Variants in C2CD3 observed in about 807,000 individuals in gnomAD.
C2CD3 encodes the protein C2 domain containing 3 centriole elongation regulator.
A neutral mutation model predicts 234.0 loss-of-function variants in C2CD3; 148 were observed. That is an observed-to-expected ratio of 0.63 (90% CI 0.55 to 0.72). The LOEUF (loss-of-function observed/expected upper bound fraction) is 0.72. Ranked by LOEUF, C2CD3 falls within the 30% of genes least tolerant of loss-of-function variation. The pLI is 0.00. For missense variants in C2CD3, 2,577 were observed against 2,811.5 expected (o/e 0.92, Z 1.89); for synonymous variants, 1,000 against 1,035.4 (o/e 0.97, Z 0.66).
Position 74,150,889 on chromosome 11 carries a change from C to T in C2CD3, c.483+10510G>A, listed in dbSNP as rs561048356. Among the ~76,000 whole-genome samples, 4 of 151,952 alleles carry T rather than the reference C, an allele frequency of 2.6e-5. No individual in the cohort carries two copies. The East Asian group carries it at 5.8e-4, about 22-fold the overall frequency. ...TGGTTTCTATGAATCAGGATCCAAACGAGTTCCACAGGAGACTTTTTCTTT... is the reference window on the plus strand; with the variant it reads ...TGGTTTCTATGAATCAGGATCCAAATGAGTTCCACAGGAGACTTTTTCTTT... On this transcript the variant is annotated intron_variant, in intron 3 of 32. Transcript: ENST00000334126.
At chr11:74,115,415 T>C (rs1304419729) in intron 9 of C2CD3, among the ~76,000 whole-genome samples, 1 of 152,156 alleles carries the variant, frequency 6.6e-6, no homozygotes, top group African/African-American at 2.4e-5. Flanking sequence ...TCCTTCTCAT[T>C]TGCTTTCCTT....
chr11:74,081,632 T>G (rs987618559), intron 22 of C2CD3, among the ~76,000 whole-genome samples: 1 of 152,216 alleles, frequency 6.6e-6, no homozygotes, highest in Non-Finnish European at 1.5e-5. Context: ...ATCACCATCA[T>G]CATCATCATC....
At chr11:74,059,186 T>C (rs1954096802) in intron 24 of C2CD3, among the ~76,000 whole-genome samples, 1 of 151,916 alleles carries the variant, frequency 6.6e-6, no homozygotes, top group South Asian at 2.1e-4. Context: ...GTTTGTATTC[T>C]TTATAACTGT....
chr11:74,109,887 A>C (rs1031356309), intron 11 of C2CD3, among the ~76,000 whole-genome samples: 1 of 152,060 alleles, frequency 6.6e-6, no homozygotes, highest in Non-Finnish European at 1.5e-5. Flanking sequence ...CCTGGCTAAC[A>C]TGGTGAAACC....
chr11:74,088,184 C>A (rs1590762837), intron 20 of C2CD3, among the ~76,000 whole-genome samples: 1 of 152,158 alleles, frequency 6.6e-6, no homozygotes, highest in South Asian at 2.1e-4. Context: ...TCATAAAAAT[C>A]TGTATATTTG....
rs756280588 is a variant in C2CD3 at position 74,049,378 on chromosome 11, C to T, written c.5320G>A (p.Glu1774Lys). 1.9e-6 allele frequency: 3 copies of T among 1,614,046 alleles called. No individual in the cohort carries two copies. The African/African-American group carries it at 4.0e-5, about 22-fold the overall frequency. ...PLESLIHFKE[E>K]RQARRGVETS... Reference sequence around the variant, plus strand: ...TCCACTCCACGCCTTGCTTGCCTTTCTTCTTTGAAGTGTATCAAACTCTCC... The same window carrying T: ...TCCACTCCACGCCTTGCTTGCCTTTTTTCTTTGAAGTGTATCAAACTCTCC... The change falls in exon 27 of 33, where the codon GAA becomes AAA. Residue 1774 changes from glutamate (E) to lysine (K), a missense_variant. Physicochemically the swap from Glu to Lys is moderately conservative, Grantham distance 56 (BLOSUM62 1). Coordinates refer to ENST00000334126, the MANE Select transcript of C2CD3 (RefSeq NM_001286577.2).
rs1284421504 is a variant in C2CD3 at position 74,118,137 on chromosome 11, G to A, written c.1520+91C>T. On this transcript the variant is annotated intron_variant, in intron 9 of 32. Transcript: ENST00000334126. ...TATTGTAATTAATCACTCTGATGGT[G>A]CTGGGCAAATGGGTCATTTCACCTT... is the stretch of plus-strand genomic sequence containing the variant. 1.6e-5 allele frequency: 14 copies of A among 903,004 alleles called. 1 individual carries two copies. The highest frequency in any genetic ancestry group is 2.3e-5 in the Non-Finnish European group (13 of 576,042). 55.9% of individuals were successfully genotyped at this position (903,004 alleles called of 1,614,324 possible). A position where few individuals can be genotyped will look rare whatever the true frequency, so the allele number is the denominator to read the frequency against.
chr11:74,140,825 A>G (rs1048410746), intron 3 of C2CD3, among the ~76,000 whole-genome samples: 4 of 152,180 alleles, frequency 2.6e-5, no homozygotes, highest in East Asian at 3.8e-4. Context: ...AAGAGGGGTG[A>G]GGAGGGAGGA....
chr11:74,067,478 C>A (rs1407554808), intron 24 of C2CD3, among the ~76,000 whole-genome samples: 1 of 151,878 alleles, frequency 6.6e-6, no homozygotes, highest in South Asian at 2.1e-4. Flanking sequence ...AACCAGTTTA[C>A]AAGCATATTA....
In C2CD3 at chr11:74,168,594, T is replaced by C. The variant is rs754879301; in HGVS notation, c.75A>G (p.Pro25=). ...CAACCAGAGGTGGCAGGCTTGTAGA[T>C]GGAGAAATGTCACTTAAACCTGTAG... The part of the protein sequence containing the change: ...RKKRGLSDIS[P]STSLPPLVEG... The change falls in exon 2 of 33, where the codon CCA becomes CCG. Residue 25 remains proline (P), a synonymous_variant. Transcript: ENST00000334126. The C allele has an allele frequency of 1.9e-6, 3 of 1,614,106 alleles. No homozygotes were observed. The highest frequency in any genetic ancestry group is 2.5e-6 in the Non-Finnish European group (3 of 1,179,944).
intron 3 of C2CD3, among the ~76,000 whole-genome samples, chr11:74,154,654 T>A (rs1306103876): frequency 6.6e-6 from 1 of 152,222 alleles, no homozygotes; most frequent in African/African-American, 2.4e-5. Context: ...GCATGCCATA[T>A]GGTCTCATTA....
intron 15 of C2CD3, among the ~76,000 whole-genome samples, 173 bp from the exon 16 acceptor site, chr11:74,098,428 CA>C (rs1312972919): frequency 1.3e-5 from 2 of 152,092 alleles, no homozygotes; most frequent in Admixed American, 1.3e-4. Context: ...TAAAAATTAC[CA>C]GGCAGAGAAG....
chr11:74,015,168 C>T (rs1254325884), intron 32 of C2CD3, among the ~76,000 whole-genome samples: 3 of 152,218 alleles, frequency 2.0e-5, no homozygotes, highest in East Asian at 1.9e-4. Flanking sequence ...CTGCAGGGCA[C>T]GGCCTGGGTC....
rs547608410 is a variant in C2CD3, at chr11:74,063,424, T to C, written c.4952-5880A>G. On this transcript the variant is annotated intron_variant, in intron 24 of 32. Transcript: ENST00000334126. ...ATCCAGCAGCACATCAAAAAGCTTA[T>C]CCACCATGATCAAGTTGGCTCCATC... Among the ~76,000 whole-genome samples, 5 of 150,774 alleles carry C rather than the reference T, an allele frequency of 3.3e-5. No homozygotes were observed. The South Asian group carries it at 1.0e-3, about 31-fold the overall frequency.
chr11:74,106,616 T>C (rs1281321374), intron 12 of C2CD3, 123 bp from the exon 13 acceptor site: 1 of 866,308 alleles, frequency 1.2e-6, no homozygotes, highest in African/African-American at 1.7e-5. Flanking sequence ...AGCTTAATTA[T>C]CTAAGACAAC....
intron 29 of C2CD3, among the ~76,000 whole-genome samples, chr11:74,039,829 C>T (rs1223775874): frequency 7.2e-5 from 11 of 152,104 alleles, no homozygotes; most frequent in Admixed American, 2.0e-4. Flanking sequence ...AGAAACTACT[C>T]GAAGGTGAAG....
At position 74,167,482 on chromosome 11, in the gene C2CD3, A is replaced by G. The variant is rs568544041; in HGVS notation, c.325+862T>C. The stretch of plus-strand genomic sequence containing the variant: ...AAACAATGTGTAGTATGTGCTAAAC[A>G]TATTTTTTGAATGACTGAATTACAG... On this transcript the variant is annotated intron_variant, in intron 2 of 32. Coordinates refer to ENST00000334126, the MANE Select transcript of C2CD3 (RefSeq NM_001286577.2). Among the ~76,000 whole-genome samples, 13 of 152,360 alleles carry G rather than the reference A, an allele frequency of 8.5e-5. No homozygotes were observed. In the East Asian group the frequency reaches 2.3e-3, roughly 27 times the overall value.
In C2CD3 at chr11:74,060,413, C is replaced by T. The variant is rs909086228; in HGVS notation, c.4952-2869G>A. On this transcript the variant is annotated intron_variant, in intron 24 of 32. Transcript: ENST00000334126. ...CATACAGCTGGGTTCCCCTTTGAGA[C>T]GAAGCTTCTGGAGGAAGGATCAGGC... 6.6e-5 allele frequency among the ~76,000 whole-genome samples: 10 copies of T among 152,162 alleles called. No homozygotes were observed. In the East Asian group the frequency reaches 1.2e-3, roughly 18 times the overall value.
chr11:74,166,606 C>G (rs961954551), intron 2 of C2CD3, among the ~76,000 whole-genome samples: 3 of 152,114 alleles, frequency 2.0e-5, no homozygotes, highest in African/African-American at 7.2e-5. Context: ...TATTAACTTC[C>G]TAGAATATTC....
Sources: allele counts gnomAD v4.1 joint callset (sites outside exome capture counted in the v4.1 genomes callset), GRCh38; gene constraint gnomAD v4.1.1; transcripts MANE v1.5; gene names NCBI Gene and HGNC (gene_info 2026-07-23, HGNC 2026-07-21).